FAM20B: variants seen among roughly 807,000 people sequenced by gnomAD.
FAM20B encodes the protein FAM20B glycosaminoglycan xylosylkinase.
Under a neutral mutation model 43.8 loss-of-function variants are expected in FAM20B, and 23 were observed. That is an observed-to-expected ratio of 0.53 (90% CI 0.38 to 0.74). The LOEUF (loss-of-function observed/expected upper bound fraction) is 0.74. Among genes scored for constraint, FAM20B ranks in the 30% least tolerant of loss-of-function variants. FAM20B has a pLI of 0.00. For missense variants in FAM20B, 440 were observed against 510.5 expected (o/e 0.86, Z 1.33); for synonymous variants, 178 against 192.4 (o/e 0.93, Z 0.62).
intron 1 of FAM20B, among the ~76,000 whole-genome samples, chr1:179,031,168 A>C (rs776210301): frequency 9.2e-5 from 14 of 152,242 alleles, no homozygotes; most frequent in Non-Finnish European, 1.6e-4. Context: ...AAAATGTTAT[A>C]ATATTTGTAA....
chr1:179,073,867 A>G lies in FAM20B; in HGVS notation c.*1723A>G, dbSNP rs915053500. On this transcript the variant is annotated 3_prime_UTR_variant, in exon 8 of 8. Coordinates refer to ENST00000263733, the MANE Select transcript of FAM20B (RefSeq NM_014864.4). ...AGTAGTTGCAGTAAAACACAGGGGC[A>G]AAGGAAGACAGGCCTGATGTGCCCA... 1 of 152,244 alleles carries G rather than the reference A, an allele frequency of 6.6e-6. No homozygotes were observed. The highest frequency in any genetic ancestry group is 1.5e-5 in the Non-Finnish European group (1 of 68,046). 9.4% of individuals were successfully genotyped at this position (152,244 alleles called of 1,614,324 possible). A position where few individuals can be genotyped will look rare whatever the true frequency, so the allele number is the denominator to read the frequency against.
chr1:179,042,055 T>G (rs2102495740), intron 1 of FAM20B, among the ~76,000 whole-genome samples: 1 of 152,328 alleles, frequency 6.6e-6, no homozygotes, highest in East Asian at 1.9e-4. Context: ...TGCTTATTAG[T>G]GTCACAGGAT....
intron 1 of FAM20B, among the ~76,000 whole-genome samples, chr1:179,040,917 C>T (rs976425193): frequency 4.0e-5 from 6 of 150,004 alleles, no homozygotes; most frequent in Non-Finnish European, 7.4e-5. Context: ...CGGGCAGAGA[C>T]GCTCCTCACC....
chr1:179,045,953 TG>T (rs2102500105), intron 2 of FAM20B, among the ~76,000 whole-genome samples: 1 of 152,188 alleles, frequency 6.6e-6, no homozygotes, highest in East Asian at 1.9e-4. Flanking sequence ...ATCTAATTTC[TG>T]TAATGCACAC....
chr1:179,057,697 G>A (rs368728089), intron 4 of FAM20B, among the ~76,000 whole-genome samples: 5 of 152,042 alleles, frequency 3.3e-5, no homozygotes, highest in East Asian at 1.9e-4. Flanking sequence ...TATTCAGTAC[G>A]ACTTTATTTC....
rs1240795829 is a variant in FAM20B, at chr1:179,064,420, G to A, written c.862G>A (p.Ala288Thr). ...TAVFDYLIGN[A>T]DRHHYESFQD... is the part of the protein sequence containing the mutation. The stretch of plus-strand genomic sequence containing the variant: ...TGTCTTTGATTACCTGATTGGCAAT[G>A]CTGACCGCCATCACTATGAGAGCTT... Residue 288 changes from alanine to threonine, a missense_variant, in exon 6 of 8, where the codon GCT (alanine) becomes ACT (threonine). By Grantham distance (58) the Ala-to-Thr change is moderately conservative. Transcript: ENST00000263733. The A allele has an allele frequency of 7.4e-6, 12 of 1,614,038 alleles. No homozygotes were observed. The highest frequency in any genetic ancestry group is 1.0e-5 in the Non-Finnish European group (12 of 1,180,012).
At position 179,043,789 on chromosome 1, in the gene FAM20B, A is replaced by G. The variant is rs1193603224; in HGVS notation, c.-59A>G. The stretch of plus-strand genomic sequence containing the variant: ...TGGAATCTCCTTGCTAACCATCACC[A>G]CCAGCTCTCCTTAATACATGAGCAA... On this transcript the variant is annotated 5_prime_UTR_variant, in exon 2 of 8. Transcript: ENST00000263733. 1 of 1,499,736 alleles carries G rather than the reference A, an allele frequency of 6.7e-7. No homozygotes were observed. Among genetic ancestry groups the G allele is most frequent in the African/African-American group, 1.4e-5 (1 of 71,826 alleles). 92.9% of individuals were successfully genotyped at this position (1,499,736 alleles called of 1,614,324 possible). A position where few individuals can be genotyped will look rare whatever the true frequency, so the allele number is the denominator to read the frequency against.
intron 2 of FAM20B, 83 bp from the exon 3 acceptor site, chr1:179,050,195 TA>T: frequency 2.2e-6 from 2 of 900,642 alleles, no homozygotes; most frequent in Non-Finnish European, 3.7e-6. Context: ...TCAGGCTTGC[TA>T]ATGGGTGTAT....
chr1:179,038,587 A>G (rs1650349828), intron 1 of FAM20B, among the ~76,000 whole-genome samples: 1 of 152,216 alleles, frequency 6.6e-6, no homozygotes, highest in African/African-American at 2.4e-5. Flanking sequence ...CTAGATTTCC[A>G]TATTGCCTTT....
chr1:179,027,167 A>C (rs903913762), intron 1 of FAM20B, among the ~76,000 whole-genome samples: 1 of 152,148 alleles, frequency 6.6e-6, no homozygotes, highest in African/African-American at 2.4e-5. Context: ...TTTAGCCTTT[A>C]AACTGTAGGA....
At chr1:179,033,676 T>G (rs1650098742) in intron 1 of FAM20B, among the ~76,000 whole-genome samples, 1 of 152,094 alleles carries the variant, frequency 6.6e-6, no homozygotes, top group Non-Finnish European at 1.5e-5. Flanking sequence ...AATGATTTGT[T>G]ATTTCTTTCT....
chr1:179,054,482 A>G (rs1251334986), intron 3 of FAM20B, 47 bp from the exon 4 acceptor site: 3 of 1,206,218 alleles, frequency 2.5e-6, no homozygotes, highest in Non-Finnish European at 3.7e-6. Flanking sequence ...TACTTAAAAA[A>G]CATCCCCTAA....
intron 1 of FAM20B, among the ~76,000 whole-genome samples, chr1:179,043,246 A>G (rs1297297391): frequency 1.3e-5 from 2 of 152,184 alleles, no homozygotes; most frequent in East Asian, 1.9e-4. Context: ...CCAACCACAT[A>G]TATACAGGTC....
At chr1:179,053,048 G>T (rs1320220893) in intron 3 of FAM20B, among the ~76,000 whole-genome samples, 2 of 152,182 alleles carry the variant, frequency 1.3e-5, no homozygotes, top group African/African-American at 2.4e-5. Flanking sequence ...TTATCTTAGA[G>T]TATTTGTGTA....
chr1:179,072,199 A>G lies in FAM20B; in HGVS notation c.*55A>G. 1 of 1,366,304 alleles carries G rather than the reference A, an allele frequency of 7.3e-7. No individual in the cohort carries two copies. The highest frequency in any genetic ancestry group is 1.0e-6 in the Non-Finnish European group (1 of 978,452). The allele number at this position is 1,366,304 out of a possible 1,614,324, so 84.6% of individuals were successfully genotyped here. On this transcript the variant is annotated 3_prime_UTR_variant, in exon 8 of 8. Transcript: ENST00000263733. ...TTTACAAAGATAGAGAAACAGCACA[A>G]TCAATTCCAAATGGTATGAGATGGA... is the stretch of plus-strand genomic sequence containing the variant.
the FAM20B span, among the ~76,000 whole-genome samples, chr1:179,018,602 C>T: frequency 1.3e-5 from 2 of 152,136 alleles, no homozygotes; most frequent in Non-Finnish European, 2.9e-5. Context: ...CCACCATGCC[C>T]GGCCCCAAAG....
chr1:179,018,463 C>T, the FAM20B span, among the ~76,000 whole-genome samples: 3,351 of 152,138 alleles, frequency 0.022, 65 homozygotes, highest in Middle Eastern at 0.048. Context: ...CCCACCATCA[C>T]GCCTGGCTAA....
chr1:179,041,147 G>A (rs1199321629), intron 1 of FAM20B, among the ~76,000 whole-genome samples: 1 of 151,032 alleles, frequency 6.6e-6, no homozygotes, highest in African/African-American at 2.5e-5. Flanking sequence ...TGGCGGCCGG[G>A]CAGAGACGCT....
upstream of FAM20B, among the ~76,000 whole-genome samples, chr1:179,022,305 G>A (rs147688634): frequency 1.1e-3 from 170 of 152,234 alleles, no homozygotes; most frequent in African/African-American, 3.9e-3. Context: ...AGCCTTTCCC[G>A]TCACCCTCTC....
Sources: allele counts gnomAD v4.1 joint callset (sites outside exome capture counted in the v4.1 genomes callset), GRCh38; gene constraint gnomAD v4.1.1; transcripts MANE v1.5; gene names NCBI Gene and HGNC (gene_info 2026-07-23, HGNC 2026-07-21).